SLC11A2: variants seen among roughly 807,000 people sequenced by gnomAD.
SLC11A2 encodes the protein solute carrier family 11 member 2.
Under a neutral mutation model 68.0 loss-of-function variants are expected in SLC11A2, and 38 were observed. That is an observed-to-expected ratio of 0.56 (90% CI 0.43 to 0.73). The LOEUF (loss-of-function observed/expected upper bound fraction) is 0.73. SLC11A2 is among the 30% of genes least tolerant of loss of function. The pLI is 0.00. For synonymous variants in SLC11A2, 242 were observed against 250.6 expected (o/e 0.97, Z 0.32); for missense variants, 517 against 690.5 (o/e 0.75, Z 2.82).
chr12:50,980,038 C>T, downstream of SLC11A2: 1 of 427,152 alleles, frequency 2.3e-6, no homozygotes, highest in East Asian at 7.2e-5. Context: ...CCAGCCTGGG[C>T]AACATGGTGA....
chr12:50,991,661 A>G lies in SLC11A2; in HGVS notation c.1359T>C (p.Ala453=), dbSNP rs149451201. 9.6e-5 allele frequency: 155 copies of G among 1,613,638 alleles called. No homozygotes were observed. The highest frequency in any genetic ancestry group is 1.3e-4 in the Non-Finnish European group (154 of 1,179,828). ...TCGTAAATGTGAGGATGGGTATGAG[A>G]GCAAAGGGAAGCTGGAAAAGAAAGA... is the stretch of plus-strand genomic sequence containing the variant. ...NVLQSLQLPF[A]LIPILTFTSL... Residue 453 remains alanine (A), a synonymous_variant, in exon 14 of 16, where the codon GCT becomes GCC. Transcript: ENST00000262052.
the SLC11A2 span, among the ~76,000 whole-genome samples, chr12:50,962,464 C>T: frequency 6.6e-6 from 1 of 151,882 alleles, no homozygotes; most frequent in Non-Finnish European, 1.5e-5. Flanking sequence ...CTTTGGGAGG[C>T]CAAGGCAGGA....
upstream of SLC11A2, chr12:51,026,504 C>T (rs1355451582): frequency 2.0e-6 from 1 of 502,542 alleles, no homozygotes. Context: ...TAGGCTCCGC[C>T]CACGCGGAGT....
chr12:51,001,901 G>A (rs1204202780), intron 5 of SLC11A2, among the ~76,000 whole-genome samples: 3 of 152,122 alleles, frequency 2.0e-5, no homozygotes, highest in South Asian at 2.1e-4. Context: ...TAATGCCCAC[G>A]TATGCAAAAG....
chr12:50,994,786 T>A (rs1168031926), intron 10 of SLC11A2, 156 bp from the exon 11 acceptor site: 1 of 651,214 alleles, frequency 1.5e-6, no homozygotes, highest in Non-Finnish European at 2.8e-6. Flanking sequence ...GCAGCAATGT[T>A]ATCTAGGATC....
intron 6 of SLC11A2, 174 bp from the exon 7 acceptor site, chr12:50,999,589 C>T (rs542403333): frequency 2.6e-5 from 17 of 646,334 alleles, no homozygotes; most frequent in South Asian, 1.9e-4. Context: ...ACAGCATCAA[C>T]TTAATTACAT....
chr12:50,993,140 TCTG>T (rs1395676131), intron 11 of SLC11A2: 3 of 579,794 alleles, frequency 5.2e-6, no homozygotes, highest in Non-Finnish European at 3.1e-6. Flanking sequence ...CCTTCGTTTC[TCTG>T]CCTAGTCCTT....
At chr12:50,962,651 C>A in the SLC11A2 span, among the ~76,000 whole-genome samples, 44 of 152,248 alleles carry the variant, frequency 2.9e-4, no homozygotes, top group Non-Finnish European at 5.1e-4. Context: ...GAGTCGAAAT[C>A]ATGCCACTGC....
At position 50,994,636 on chromosome 12, in the gene SLC11A2, A is replaced by T. The variant is rs1457000554; in HGVS notation, c.991-6T>A. 1 of 1,595,182 alleles carries T rather than the reference A, an allele frequency of 6.3e-7. No homozygotes were observed. The highest frequency in any genetic ancestry group is 2.2e-5 in the East Asian group (1 of 44,806). ...GTATTTGTACAGACTTCAACCTAGA[A>T]CCCAAAGCAATTCAACAGCAACTTT... On this transcript the variant is annotated splice_region_variant and splice_polypyrimidine_tract_variant and intron_variant, in intron 10 of 15. Coordinates refer to ENST00000262052, the MANE Select transcript of SLC11A2 (RefSeq NM_000617.3).
Position 50,988,383 on chromosome 12 carries a change from G to A in SLC11A2, c.1628C>T (p.Thr543Met), listed in dbSNP as rs369530092. The A allele has an allele frequency of 1.4e-5, 23 of 1,613,886 alleles. No homozygotes were observed. The highest frequency in any genetic ancestry group is 4.0e-5 in the African/African-American group (3 of 74,894). ...LGMSFLDCGH[T>M]VSISKGLLTE... ...CAGCAGGCCTTTAGAGATGCTTACC[G>A]TATGCCCACAGTCCAGGAAGGACAT... The change falls in exon 16 of 16, where the codon ACG (threonine) becomes ATG (methionine). Residue 543 changes from threonine (T) to methionine (M), a missense_variant. By Grantham distance (81) the Thr-to-Met change is moderately conservative (BLOSUM62 -1). Coordinates refer to ENST00000262052, the MANE Select transcript of SLC11A2 (RefSeq NM_000617.3).
intron 11 of SLC11A2, among the ~76,000 whole-genome samples, chr12:50,993,595 G>GT (rs932007076): frequency 6.6e-6 from 1 of 151,750 alleles, no homozygotes; most frequent in East Asian, 1.9e-4. Flanking sequence ...GGAGGCCGAG[G>GT]GGGGGGTGGA....
chr12:50,956,305 T>C, the SLC11A2 span, among the ~76,000 whole-genome samples: 1 of 152,086 alleles, frequency 6.6e-6, no homozygotes, highest in East Asian at 1.9e-4. Flanking sequence ...GGCGGGAGAA[T>C]CACTTGAACT....
chr12:50,972,704 C>T, the SLC11A2 span, among the ~76,000 whole-genome samples: 3 of 152,236 alleles, frequency 2.0e-5, no homozygotes, highest in Non-Finnish European at 4.4e-5. Flanking sequence ...ATCGCCTCAC[C>T]CGGGAACCAC....
the SLC11A2 span, among the ~76,000 whole-genome samples, chr12:50,966,454 G>T: frequency 6.6e-6 from 1 of 152,152 alleles, no homozygotes; most frequent in Non-Finnish European, 1.5e-5. Context: ...TGCATTGCAA[G>T]ATGCCTAACA....
the SLC11A2 span, among the ~76,000 whole-genome samples, chr12:50,972,918 C>T: frequency 2.0e-5 from 3 of 152,230 alleles, no homozygotes; most frequent in Non-Finnish European, 4.4e-5. Flanking sequence ...TGAGATCAAA[C>T]TGCAACGTGG....
At chr12:51,026,209 A>G (rs928148449) in intron 1 of SLC11A2, 101 bp downstream of exon 1, 6 of 1,198,246 alleles carry the variant, frequency 5.0e-6, no homozygotes, top group South Asian at 1.4e-5. Context: ...GTCGCATCCT[A>G]GCCCCGGAGC....
downstream of SLC11A2, among the ~76,000 whole-genome samples, chr12:50,984,152 C>A (rs1940322739): frequency 6.6e-6 from 1 of 151,798 alleles, no homozygotes; most frequent in African/African-American, 2.4e-5. Flanking sequence ...AAGAAAATGC[C>A]AAGTACACCA....
downstream of SLC11A2, among the ~76,000 whole-genome samples, chr12:50,983,041 A>C (rs1336483602): frequency 6.6e-6 from 1 of 150,902 alleles, no homozygotes; most frequent in Non-Finnish European, 1.5e-5. Flanking sequence ...TTTTTTGTAG[A>C]GACAAGGCCT....
At chr12:51,004,187 AC>A (rs1942520555) in intron 5 of SLC11A2, among the ~76,000 whole-genome samples, 2 of 152,188 alleles carry the variant, frequency 1.3e-5, no homozygotes, top group African/African-American at 4.8e-5. Context: ...AAGAAACAAA[AC>A]AAGAGACAAA....
Sources: allele counts gnomAD v4.1 joint callset (sites outside exome capture counted in the v4.1 genomes callset), GRCh38; gene constraint gnomAD v4.1.1; transcripts MANE v1.5; gene names NCBI Gene and HGNC (gene_info 2026-07-23, HGNC 2026-07-21).